ANO4: variants seen among roughly 807,000 people sequenced by gnomAD.
ANO4 encodes anoctamin-4.
A neutral mutation model predicts 141.9 loss-of-function variants in ANO4; 69 were observed. That is an observed-to-expected ratio of 0.49 (90% CI 0.40 to 0.59). The LOEUF is 0.59. ANO4 is among the 20% of genes least tolerant of loss of function. The pLI is 0.00. For missense variants in ANO4, 894 were observed against 1,162.2 expected (o/e 0.77, Z 3.36); for synonymous variants, 350 against 394.3 (o/e 0.89, Z 1.33).
At chr12:101,083,112 A>G (rs1344348096) in intron 15 of ANO4, among the ~76,000 whole-genome samples, 1 of 152,168 alleles carries the variant, frequency 6.6e-6, no homozygotes, top group Non-Finnish European at 1.5e-5. Flanking sequence ...CCTAAAGTCT[A>G]TTGGTTAAAG....
chr12:101,104,199 C>G (rs2050319075), intron 22 of ANO4, among the ~76,000 whole-genome samples: 2 of 151,814 alleles, frequency 1.3e-5, no homozygotes, highest in South Asian at 4.1e-4. Flanking sequence ...GTTGATTTTT[C>G]TCTACTACAC....
chr12:100,741,344 T>G lies in ANO4; in HGVS notation c.358+1239T>G, dbSNP rs75982876. On this transcript the variant is annotated intron_variant, in intron 3 of 29. Transcript: ENST00000644049. ...TGCTGAGGTTGCAGAAGTTCCAGAT[T>G]ATCAAAACTAATCTTTAAAGCAGTA... is the stretch of plus-strand genomic sequence containing the variant. Among the ~76,000 whole-genome samples, 868 of 152,226 alleles carry G rather than the reference T, an allele frequency of 5.7e-3. 9 individuals carry two copies. Among genetic ancestry groups the G allele is most frequent in the Non-Finnish European group, 0.01 (690 of 67,990 alleles).
chr12:100,885,074 A>T (rs1434561555), intron 1 of ANO4, among the ~76,000 whole-genome samples: 1 of 152,206 alleles, frequency 6.6e-6, no homozygotes, highest in Non-Finnish European at 1.5e-5. Flanking sequence ...CAGCAACATA[A>T]TGTCTCTCTG....
At chr12:101,021,582 A>G (rs17030914) in intron 9 of ANO4, among the ~76,000 whole-genome samples, 1,570 of 152,316 alleles carry the variant, frequency 0.01, 24 homozygotes, top group African/African-American at 0.036. Flanking sequence ...CTGCTCATCA[A>G]GCTTTCGGGT....
intron 22 of ANO4, among the ~76,000 whole-genome samples, chr12:101,103,183 T>A (rs1312021): frequency 0.49 from 8,754 of 17,800 alleles, 3,185 homozygotes; most frequent in African/African-American, 0.63. Flanking sequence ...TTTAGTCATT[T>A]TATATATATA....
intron 1 of ANO4, among the ~76,000 whole-genome samples, chr12:100,805,131 T>C (rs2034925903): frequency 6.6e-6 from 1 of 152,232 alleles, no homozygotes. Context: ...TTGTATAAGA[T>C]GTAAAGAAGG....
chr12:100,859,115 G>A (rs1276435230), intron 1 of ANO4: 1 of 152,050 alleles, frequency 6.6e-6, no homozygotes, highest in Non-Finnish European at 1.5e-5. Context: ...CAAGTATATG[G>A]CTCCCTTCCT....
chr12:101,076,693 G>A (rs935270273), intron 14 of ANO4, among the ~76,000 whole-genome samples: 10 of 152,148 alleles, frequency 6.6e-5, no homozygotes, highest in Admixed American at 1.3e-4. Context: ...TCCCAGAATG[G>A]TCCCCCATCA....
At position 100,801,770 on chromosome 12, in the gene ANO4, G is replaced by A. The variant is rs568112310; in HGVS notation, c.-141+6743G>A. On this transcript the variant is annotated intron_variant, in intron 1 of 27. Transcript: ENST00000392977. ...CTGGGGGGTGGGGTGGAGGGAAGGTGGAAAATGCAAGGAAAGATGAGGAAC... is the reference window on the plus strand; with the variant it reads ...CTGGGGGGTGGGGTGGAGGGAAGGTAGAAAATGCAAGGAAAGATGAGGAAC... Among the ~76,000 whole-genome samples the A allele has an allele frequency of 6.6e-5, 10 of 151,992 alleles. No homozygotes were observed. In the East Asian group the frequency reaches 1.9e-3, roughly 29 times the overall value.
At chr12:100,945,091 C>G (rs966582780) in intron 5 of ANO4, among the ~76,000 whole-genome samples, 8 of 152,130 alleles carry the variant, frequency 5.3e-5, no homozygotes, top group African/African-American at 1.9e-4. Flanking sequence ...ACGTTTGACA[C>G]TATGCACATT....
At chr12:100,974,046 A>G (rs1047253340) in intron 6 of ANO4, among the ~76,000 whole-genome samples, 2 of 152,212 alleles carry the variant, frequency 1.3e-5, no homozygotes, top group South Asian at 2.1e-4. Context: ...TTATTATTCC[A>G]TTCAGTTTCG....
chr12:100,857,871 A>C (rs547121131), intron 1 of ANO4, among the ~76,000 whole-genome samples: 1 of 152,312 alleles, frequency 6.6e-6, no homozygotes, highest in East Asian at 1.9e-4. Flanking sequence ...TGAGAAGACA[A>C]AACCAAACCA....
At chr12:101,089,620 A>C (rs1159503594) in intron 17 of ANO4, among the ~76,000 whole-genome samples, 1 of 152,196 alleles carries the variant, frequency 6.6e-6, no homozygotes, top group Non-Finnish European at 1.5e-5. Flanking sequence ...GTTATCATCT[A>C]TTTCCTCCAA....
At chr12:100,928,387 C>G (rs551070632) in intron 3 of ANO4, among the ~76,000 whole-genome samples, 2 of 152,156 alleles carry the variant, frequency 1.3e-5, no homozygotes, top group Middle Eastern at 6.8e-3. Flanking sequence ...TTGACTGCCA[C>G]CTTTGTCTTT....
intron 6 of ANO4, among the ~76,000 whole-genome samples, chr12:100,974,282 G>C (rs376554425): frequency 6.6e-4 from 100 of 152,096 alleles, no homozygotes; most frequent in African/African-American, 2.3e-3. Context: ...AGTGTGCCCC[G>C]GTGTGGTTAT....
rs2046802032 is a variant in ANO4 at position 101,027,709 on chromosome 12, G to C, written c.841+7569G>C. Among the ~76,000 whole-genome samples, 3 of 152,176 alleles carry C rather than the reference G, an allele frequency of 2.0e-5. No individual in the cohort carries two copies. The South Asian group carries it at 6.2e-4, about 32-fold the overall frequency. ...GCCAGAGACTCAGGGACAGAACCTG[G>C]ATCTCCCTGGGCCTTATCCCCTAGT... On this transcript the variant is annotated intron_variant, in intron 9 of 27. Transcript: ENST00000392977.
chr12:101,009,185 G>T (rs1035508262), intron 8 of ANO4, among the ~76,000 whole-genome samples: 2 of 152,014 alleles, frequency 1.3e-5, no homozygotes, highest in African/African-American at 4.8e-5. Context: ...ATTAGGATGG[G>T]CCCTAATCCA....
chr12:100,960,464 C>T (rs529378921), intron 5 of ANO4, among the ~76,000 whole-genome samples: 8 of 152,132 alleles, frequency 5.3e-5, no homozygotes, highest in South Asian at 2.1e-4. Context: ...GTAACATCCT[C>T]TAATTTTGAT....
At position 100,774,188 on chromosome 12, in the gene ANO4, C is replaced by A. The variant is rs568393263; in HGVS notation, c.358+34083C>A. ...TGTGCATCCTATGTGGTTTTACCCT[C>A]TCAGTAAAACAAGTCTAGTGAATCT... is the stretch of plus-strand genomic sequence containing the variant. On this transcript the variant is annotated intron_variant, in intron 3 of 29. Transcript: ENST00000644049. 1.8e-4 allele frequency among the ~76,000 whole-genome samples: 27 copies of A among 151,974 alleles called. No homozygotes were observed. In the East Asian group the frequency reaches 5.0e-3, roughly 28 times the overall value.
Sources: allele counts gnomAD v4.1 joint callset (sites outside exome capture counted in the v4.1 genomes callset), GRCh38; gene constraint gnomAD v4.1.1; transcripts MANE v1.5; gene names NCBI Gene and HGNC (gene_info 2026-07-23, HGNC 2026-07-21).